The following STARD13 variants were observed in gnomAD, a reference collection of about 807,000 sequenced individuals.
The protein encoded by STARD13 is stAR-related lipid transfer protein 13.
In STARD13, 62 loss-of-function variants were observed where a neutral mutation model predicts 106.4. That is an observed-to-expected ratio of 0.58 (90% CI 0.48 to 0.72). The LOEUF (loss-of-function observed/expected upper bound fraction) is 0.72. Among genes scored for constraint, STARD13 ranks in the 30% least tolerant of loss-of-function variants. STARD13 has a pLI of 0.00. For synonymous variants in STARD13, 565 were observed against 553.0 expected, an observed-to-expected ratio of 1.02 and a Z score of -0.31; for missense variants, 1,387 against 1,424.0, an observed-to-expected ratio of 0.97 and a Z score of 0.42.
chr13:33,419,857 A>G, the STARD13 span, among the ~76,000 whole-genome samples: 1 of 152,228 alleles, frequency 6.6e-6, no homozygotes, highest in Non-Finnish European at 1.5e-5. Flanking sequence ...AGCCAAACTA[A>G]GCTTCATAAG....
chr13:33,618,700 C>G, the STARD13 span, among the ~76,000 whole-genome samples: 1 of 152,034 alleles, frequency 6.6e-6, no homozygotes, highest in African/African-American at 2.4e-5. Context: ...CATTGAACAG[C>G]AGGGGAACTG....
chr13:33,132,973 A>G (rs1878527863), intron 4 of STARD13, among the ~76,000 whole-genome samples: 1 of 152,130 alleles, frequency 6.6e-6, no homozygotes, highest in South Asian at 2.1e-4. Context: ...AACTTATTGG[A>G]TTTTTGTATT....
chr13:33,471,351 T>C, the STARD13 span, among the ~76,000 whole-genome samples: 1 of 152,232 alleles, frequency 6.6e-6, no homozygotes, highest in Non-Finnish European at 1.5e-5. Flanking sequence ...AAACCAGCTT[T>C]GCAGGCTGCA....
the STARD13 span, among the ~76,000 whole-genome samples, chr13:33,578,332 C>A: frequency 6.6e-6 from 1 of 151,832 alleles, no homozygotes. Context: ...AATATAGAAT[C>A]TAGAAATAAA....
At chr13:33,526,274 T>C in the STARD13 span, among the ~76,000 whole-genome samples, 1 of 152,130 alleles carries the variant, frequency 6.6e-6, no homozygotes, top group Non-Finnish European at 1.5e-5. Context: ...GGTGTTTTCT[T>C]TGGTATTTTT....
chr13:33,354,210 C>T (rs116867146), upstream of STARD13, among the ~76,000 whole-genome samples: 70 of 152,330 alleles, frequency 4.6e-4, no homozygotes, highest in East Asian at 8.1e-3. Context: ...TTTTCTCTTT[C>T]CCTTCCCTGA....
the STARD13 span, among the ~76,000 whole-genome samples, chr13:33,522,414 T>C: frequency 2.0e-5 from 3 of 152,112 alleles, no homozygotes; most frequent in Non-Finnish European, 4.4e-5. Flanking sequence ...TACAGTAGGG[T>C]ACACTGTTGG....
the STARD13 span, among the ~76,000 whole-genome samples, chr13:33,502,495 C>T: frequency 2.0e-5 from 3 of 152,236 alleles, no homozygotes; most frequent in African/African-American, 7.2e-5. Context: ...AGTTTTTGCC[C>T]ATTCAGTATG....
At chr13:33,603,668 C>T in the STARD13 span, among the ~76,000 whole-genome samples, 1 of 152,106 alleles carries the variant, frequency 6.6e-6, no homozygotes, top group Admixed American at 6.6e-5. Context: ...AAAAATTGAT[C>T]TCAGCCAAGT....
chr13:33,260,366 G>A (rs1890580624), intron 1 of STARD13, among the ~76,000 whole-genome samples: 1 of 152,242 alleles, frequency 6.6e-6, no homozygotes, highest in Non-Finnish European at 1.5e-5. Context: ...AGCTGTGCTC[G>A]CTGCAGCTCA....
At chr13:33,458,155 C>T in the STARD13 span, among the ~76,000 whole-genome samples, 1 of 152,036 alleles carries the variant, frequency 6.6e-6, no homozygotes, top group Non-Finnish European at 1.5e-5. Flanking sequence ...TCAAAAAGTG[C>T]AAAGAAGGGG....
the STARD13 span, among the ~76,000 whole-genome samples, chr13:33,389,113 G>T: frequency 2.4e-4 from 37 of 151,960 alleles, no homozygotes; most frequent in Non-Finnish European, 4.9e-4. Flanking sequence ...CAACCACCAC[G>T]TCTGGCTAAT....
the STARD13 span, among the ~76,000 whole-genome samples, chr13:33,537,553 C>T: frequency 1.8e-4 from 28 of 152,186 alleles, no homozygotes; most frequent in Middle Eastern, 3.4e-3. Flanking sequence ...TGGATTAAGT[C>T]CTGATCATTC....
At position 33,262,648 on chromosome 13, in the gene STARD13, C is replaced by CA. The variant is rs1555254791; in HGVS notation, c.169+22821_169+22822insT. On this transcript the variant is annotated intron_variant, in intron 1 of 13. Coordinates refer to ENST00000336934, the MANE Select transcript of STARD13 (RefSeq NM_178006.4). ...CACACCACACCCAGAACCCCCCCCC[C>CA]CACACACACACACAACACACACACA... Among the ~76,000 whole-genome samples, 130 of 141,200 alleles carry CA rather than the reference C, an allele frequency of 9.2e-4. 1 individual carries two copies. The highest frequency in any genetic ancestry group is 7.6e-3 in the East Asian group (35 of 4,624). The allele number at this position is 141,200 out of a possible 152,430, so 92.6% of individuals were successfully genotyped here. A position where few individuals can be genotyped will look rare whatever the true frequency, so the allele number is the denominator to read the frequency against.
the STARD13 span, among the ~76,000 whole-genome samples, chr13:33,419,291 A>C: frequency 4.6e-5 from 7 of 152,222 alleles, no homozygotes; most frequent in Non-Finnish European, 1.0e-4. Flanking sequence ...TGGAGCTGAA[A>C]ACCATGGCAC....
intron 4 of STARD13, among the ~76,000 whole-genome samples, chr13:33,135,893 C>T (rs568868434): frequency 9.9e-5 from 15 of 152,166 alleles, no homozygotes; most frequent in African/African-American, 2.4e-4. Flanking sequence ...AAGGCCGAGG[C>T]GAACAGATCA....
chr13:33,280,266 C>T (rs769753664), intron 1 of STARD13: 1 of 152,202 alleles, frequency 6.6e-6, no homozygotes, highest in African/African-American at 2.4e-5. Flanking sequence ...AGGGGGAATA[C>T]ATCACTCATG....
At chr13:33,399,004 C>A in the STARD13 span, among the ~76,000 whole-genome samples, 1 of 152,104 alleles carries the variant, frequency 6.6e-6, no homozygotes, top group Non-Finnish European at 1.5e-5. Context: ...AGTCTGTCAA[C>A]AGGTGAGTAA....
chr13:33,617,003 C>A, the STARD13 span, among the ~76,000 whole-genome samples: 9 of 152,122 alleles, frequency 5.9e-5, no homozygotes. Flanking sequence ...GGATAGGGTA[C>A]ATCTGTCAAC....
Sources: allele counts gnomAD v4.1 joint callset (sites outside exome capture counted in the v4.1 genomes callset), GRCh38; gene constraint gnomAD v4.1.1; transcripts MANE v1.5; gene names NCBI Gene and HGNC (gene_info 2026-07-23, HGNC 2026-07-21).